Variants in DHX15 observed in about 807,000 individuals in gnomAD.
The protein encoded by DHX15 is ATP-dependent RNA helicase DHX15.
A neutral mutation model predicts 94.4 loss-of-function variants in DHX15; 11 were observed. The observed-to-expected ratio is 0.12, with a 90% confidence interval of 0.07 to 0.19. The LOEUF is 0.19. DHX15 is among the 10% of genes least tolerant of loss of function. The pLI, the probability that DHX15 is intolerant of heterozygous loss-of-function variation, is 1.00. For missense variants in DHX15, 304 were observed against 988.5 expected, an observed-to-expected ratio of 0.31 and a Z score of 9.29; for synonymous variants, 338 against 329.9, an observed-to-expected ratio of 1.02 and a Z score of -0.27.
At chr4:24,582,126 A>G (rs1722429960) in intron 1 of DHX15, among the ~76,000 whole-genome samples, 1 of 152,180 alleles carries the variant, frequency 6.6e-6, no homozygotes, top group South Asian at 2.1e-4. Context: ...AAAATTATCG[A>G]GTATGAAAAA....
chr4:24,542,083 C>T (rs1721323785), intron 7 of DHX15, 61 bp from the exon 8 acceptor site: 2 of 1,405,728 alleles, frequency 1.4e-6, no homozygotes, highest in Admixed American at 2.1e-5. Context: ...TGTGATGCAA[C>T]AGAAGTATCC....
chr4:24,575,263 T>C (rs932274343), intron 2 of DHX15, among the ~76,000 whole-genome samples: 2 of 152,322 alleles, frequency 1.3e-5, no homozygotes, highest in Middle Eastern at 6.8e-3. Flanking sequence ...TCCATGCACA[T>C]GTAACTTTAG....
intron 2 of DHX15, 47 bp downstream of exon 2, chr4:24,576,196 A>T: frequency 1.3e-6 from 2 of 1,485,628 alleles, no homozygotes; most frequent in Non-Finnish European, 1.9e-6. Flanking sequence ...AACATTTGGT[A>T]AACTTAAACA....
At chr4:24,582,472 GA>G (rs765396603) in intron 1 of DHX15, among the ~76,000 whole-genome samples, 2 of 152,202 alleles carry the variant, frequency 1.3e-5, no homozygotes, top group Non-Finnish European at 2.9e-5. Flanking sequence ...AAATACAAAT[GA>G]ATTCATTCAT....
Position 24,540,146 on chromosome 4 carries a change from C to G in DHX15, c.1748G>C (p.Cys583Ser). 1.2e-6 allele frequency: 2 copies of G among 1,611,848 alleles called. No individual in the cohort carries two copies. The highest frequency in any genetic ancestry group is 1.7e-6 in the Non-Finnish European group (2 of 1,178,718). The change falls in exon 10 of 14, where the codon TGT (cysteine) becomes TCT (serine). Residue 583 changes from cysteine to serine, a missense_variant. Transcript: ENST00000336812. ...AGTAATAGATAGGACCTCATTAGAACAGTTGTAGTCACAACTTGCAATAAC... is the reference window on the plus strand; with the variant it reads ...AGTAATAGATAGGACCTCATTAGAAGAGTTGTAGTCACAACTTGCAATAAC... ...KMVIASCDYNCSNEVLSITAM... is the reference protein window; with the variant it reads ...KMVIASCDYNSSNEVLSITAM...
chr4:24,547,190 T>C (rs1304424728), intron 6 of DHX15, among the ~76,000 whole-genome samples: 2 of 152,188 alleles, frequency 1.3e-5, no homozygotes, highest in Non-Finnish European at 2.9e-5. Flanking sequence ...AAGGATAACA[T>C]GATTTCCCAG....
intron 12 of DHX15, among the ~76,000 whole-genome samples, chr4:24,531,818 C>T (rs975578063): frequency 1.3e-5 from 2 of 152,118 alleles, no homozygotes; most frequent in Non-Finnish European, 2.9e-5. Flanking sequence ...AGAAAGAATG[C>T]TCATACCTAT....
At chr4:24,566,353 G>C (rs1038612514) in intron 3 of DHX15, among the ~76,000 whole-genome samples, 1 of 152,044 alleles carries the variant, frequency 6.6e-6, no homozygotes, top group Non-Finnish European at 1.5e-5. Context: ...ATTTTTAAAC[G>C]AAGTTGTCTT....
At chr4:24,554,380 T>TAA (rs1024449560) in intron 5 of DHX15, among the ~76,000 whole-genome samples, 3 of 152,170 alleles carry the variant, frequency 2.0e-5, no homozygotes, top group Admixed American at 1.3e-4. Context: ...ACTCACAAGC[T>TAA]AAATACTGAT....
intron 5 of DHX15, among the ~76,000 whole-genome samples, chr4:24,551,831 CA>C (rs1233462228): frequency 6.6e-6 from 1 of 152,066 alleles, no homozygotes; most frequent in East Asian, 1.9e-4. Flanking sequence ...ACAAAATATC[CA>C]GATTTCACAC....
chr4:24,579,839 C>T (rs921391339), intron 1 of DHX15, among the ~76,000 whole-genome samples: 24 of 152,180 alleles, frequency 1.6e-4, no homozygotes, highest in East Asian at 5.8e-4. Flanking sequence ...AATCTCAGCT[C>T]ACTGCAACCT....
At chr4:24,563,320 C>G (rs1214321764) in intron 3 of DHX15, 1 of 152,162 alleles carries the variant, frequency 6.6e-6, no homozygotes, top group Non-Finnish European at 1.5e-5. Flanking sequence ...CTGGGGCAAC[C>G]TGATAGTCCC....
Position 24,543,834 on chromosome 4 carries a change from T to G in DHX15, c.1249-808A>C, listed in dbSNP as rs146015487. Among the ~76,000 whole-genome samples, 48 of 152,290 alleles carry G rather than the reference T, an allele frequency of 3.2e-4. No homozygotes were observed. In the East Asian group the frequency reaches 7.9e-3, roughly 25 times the overall value. ...TTAGTATTTTAACTCAGGACATGATTTTCAGGAACAGGTTACTGATATTAA... is the reference window on the plus strand; with the variant it reads ...TTAGTATTTTAACTCAGGACATGATGTTCAGGAACAGGTTACTGATATTAA... On this transcript the variant is annotated intron_variant, in intron 6 of 13. Coordinates refer to ENST00000336812, the MANE Select transcript of DHX15 (RefSeq NM_001358.3).
intron 1 of DHX15, among the ~76,000 whole-genome samples, chr4:24,578,351 G>C (rs1049169994): frequency 1.3e-5 from 2 of 152,178 alleles, no homozygotes; most frequent in African/African-American, 4.8e-5. Flanking sequence ...CCAACGAGGT[G>C]TAGTTTATAA....
intron 3 of DHX15, among the ~76,000 whole-genome samples, chr4:24,566,359 G>C (rs1377301893): frequency 1.3e-5 from 2 of 152,104 alleles, no homozygotes; most frequent in Non-Finnish European, 2.9e-5. Flanking sequence ...AAACGAAGTT[G>C]TCTTGTTGGA....
intron 3 of DHX15, among the ~76,000 whole-genome samples, chr4:24,561,897 G>A (rs192799248): frequency 2.6e-5 from 4 of 152,092 alleles, no homozygotes; most frequent in African/African-American, 7.2e-5. Flanking sequence ...TTGGGAGGCC[G>A]AAGCAGGTCA....
intron 10 of DHX15, chr4:24,539,199 A>C (rs760031172): frequency 6.6e-6 from 1 of 152,130 alleles, no homozygotes; most frequent in Non-Finnish European, 1.5e-5. Context: ...TTACATTTAA[A>C]TTTTTTTCAA....
At chr4:24,569,377 G>A (rs891585887) in intron 3 of DHX15, among the ~76,000 whole-genome samples, 17 of 152,060 alleles carry the variant, frequency 1.1e-4, no homozygotes, top group African/African-American at 2.9e-4. Flanking sequence ...CGGATCATGA[G>A]GTCAGGAGTT....
chr4:24,532,765 C>A, intron 12 of DHX15, 99 bp downstream of exon 12: 3 of 889,502 alleles, frequency 3.4e-6, no homozygotes, highest in Non-Finnish European at 5.1e-6. Context: ...TATGAGCATG[C>A]ACAAACTCAC....
Sources: gnomAD v4.1 joint callset for allele counts (sites outside exome capture counted in the v4.1 genomes callset) on GRCh38, gnomAD v4.1.1 for gene constraint, MANE v1.5 for transcripts, NCBI Gene and HGNC (gene_info 2026-07-23, HGNC 2026-07-21) for gene names.